COL26A1: variants seen among roughly 807,000 people sequenced by gnomAD.
COL26A1 encodes the protein collagen alpha-1(XXVI) chain.
Under a neutral mutation model 59.3 loss-of-function variants are expected in COL26A1, and 41 were observed. The observed-to-expected ratio is 0.69, with a 90% CI of 0.54 to 0.90. COL26A1 has a LOEUF of 0.90. Among genes scored for constraint, COL26A1 ranks in the 40% least tolerant of loss-of-function variants. The probability of loss-of-function intolerance (pLI) is 0.00; values close to 1 mark genes in which losing one functional copy is unlikely to be tolerated. For synonymous variants in COL26A1, 266 were observed against 256.0 expected, an observed-to-expected ratio of 1.04 and a Z score of -0.37; for missense variants, 612 against 602.3, an observed-to-expected ratio of 1.02 and a Z score of -0.17.
intron 3 of COL26A1, among the ~76,000 whole-genome samples, chr7:101,494,127 C>CGTTTTACTTTGTTTTGTTTTGTTTT (rs71106542): frequency 6.6e-6 from 1 of 151,396 alleles, no homozygotes; most frequent in South Asian, 2.1e-4. Context: ...ATTGCATTGT[C>CGTTTTACTTTGTTTTGTTTTGTTTT]GTTTTGTTTT....
chr7:101,486,170 C>T (rs1794263875), intron 3 of COL26A1, among the ~76,000 whole-genome samples: 1 of 144,776 alleles, frequency 6.9e-6, no homozygotes, highest in South Asian at 2.2e-4. Context: ...GAGACTGTCT[C>T]TAAAAAAAAA....
intron 1 of COL26A1, among the ~76,000 whole-genome samples, chr7:101,383,006 C>T (rs1032504470): frequency 6.6e-6 from 1 of 152,148 alleles, no homozygotes. Flanking sequence ...CACATCACTG[C>T]ACTCCAGCCT....
At chr7:101,522,689 A>C (rs1264081830) in intron 3 of COL26A1, among the ~76,000 whole-genome samples, 1 of 152,126 alleles carries the variant, frequency 6.6e-6, no homozygotes, top group Admixed American at 6.5e-5. Flanking sequence ...TTGTTGTGTC[A>C]TAGAGCGGGC....
chr7:101,478,964 T>G (rs1794104157), intron 3 of COL26A1, among the ~76,000 whole-genome samples: 1 of 152,262 alleles, frequency 6.6e-6, no homozygotes. Flanking sequence ...TTAACTGCTT[T>G]ATAGTATTTC....
chr7:101,552,701 G>T (rs1795885494), intron 10 of COL26A1, among the ~76,000 whole-genome samples: 1 of 152,202 alleles, frequency 6.6e-6, no homozygotes, highest in Non-Finnish European at 1.5e-5. Context: ...GAAGTCAGGA[G>T]TTCGAGATGA....
At chr7:101,397,513 CT>C (rs1791887704) in intron 1 of COL26A1, among the ~76,000 whole-genome samples, 1 of 146,300 alleles carries the variant, frequency 6.8e-6, no homozygotes, top group East Asian at 2.0e-4. Flanking sequence ...CTTCCCTTCC[CT>C]TCCCTTCCTT....
intron 3 of COL26A1, among the ~76,000 whole-genome samples, chr7:101,487,042 G>A (rs1270060631): frequency 6.6e-6 from 1 of 152,210 alleles, no homozygotes; most frequent in African/African-American, 2.4e-5. Context: ...GGCGTGGGAG[G>A]AGAGGCCAGG....
At chr7:101,394,585 C>CTTTTTTTTTTTTTTTTTTT (rs59966789) in intron 1 of COL26A1, among the ~76,000 whole-genome samples, 1 of 122,794 alleles carries the variant, frequency 8.1e-6, no homozygotes, top group African/African-American at 3.1e-5. Context: ...TTTTTCTTTT[C>CTTTTTTTTTTTTTTTTTTT]TTTTTTTTTT....
At position 101,547,200 on chromosome 7, in the gene COL26A1, G is replaced by T; in HGVS notation, c.901G>T (p.Ala301Ser). Residue 301 changes from alanine to serine, a missense_variant, in exon 8 of 13, where the codon GCA becomes TCA. Physicochemically the swap from Ala to Ser is moderately conservative, Grantham distance 99. Transcript: ENST00000313669. ...CTCTGCCATCGTGGACACAGTGCTG[G>T]CAGGTGTCCCAGGACCCCGGGGTCC... is the stretch of plus-strand genomic sequence containing the variant. ...LASAIVDTVLAGVPGPRGPPG... is the reference protein window; with the variant it reads ...LASAIVDTVLSGVPGPRGPPG... 6.3e-7 allele frequency: 1 copy of T among 1,597,214 alleles called. No individual in the cohort carries two copies. Among genetic ancestry groups the T allele is most frequent in the Non-Finnish European group, 8.5e-7 (1 of 1,173,648 alleles).
chr7:101,364,204 G>C (rs888856901), intron 1 of COL26A1, among the ~76,000 whole-genome samples: 2 of 150,814 alleles, frequency 1.3e-5, no homozygotes, highest in Non-Finnish European at 2.9e-5. Context: ...GCAAGTAAAA[G>C]TTGCCAAACG....
intron 1 of COL26A1, among the ~76,000 whole-genome samples, chr7:101,397,488 T>TTCCTTC (rs1191591333): frequency 2.0e-5 from 3 of 149,924 alleles, no homozygotes; most frequent in South Asian, 4.3e-4. Context: ...TCCTTCTCCT[T>TTCCTTC]TCCTTCTCCT....
chr7:101,554,038 G>A (rs923900979), intron 11 of COL26A1, among the ~76,000 whole-genome samples: 4 of 151,934 alleles, frequency 2.6e-5, no homozygotes, highest in South Asian at 2.1e-4. Flanking sequence ...CCCTCAGCTG[G>A]CCCTGAGCTA....
intron 4 of COL26A1, among the ~76,000 whole-genome samples, chr7:101,534,748 G>C (rs377716731): frequency 3.9e-5 from 6 of 152,058 alleles, no homozygotes; most frequent in African/African-American, 1.4e-4. Context: ...CCTGACTTCC[G>C]CCCTGGGGGT....
chr7:101,384,656 T>A (rs188023260), intron 1 of COL26A1, among the ~76,000 whole-genome samples: 2 of 152,162 alleles, frequency 1.3e-5, no homozygotes, highest in East Asian at 3.9e-4. Context: ...TGTGTGTGTA[T>A]GTGTGTTGGT....
intron 1 of COL26A1, among the ~76,000 whole-genome samples, chr7:101,391,626 C>T (rs1791730479): frequency 6.6e-6 from 1 of 152,200 alleles, no homozygotes; most frequent in Admixed American, 6.5e-5. Context: ...GTGGCACGAT[C>T]TCAGCTCACT....
chr7:101,444,841 TTTTG>T (rs140259796), intron 2 of COL26A1, among the ~76,000 whole-genome samples: 60,059 of 151,296 alleles, frequency 0.4, 14,599 homozygotes, highest in Admixed American at 0.55. Flanking sequence ...TTTTATTTTA[TTTTG>T]TTTGTTTATT....
intron 3 of COL26A1, among the ~76,000 whole-genome samples, chr7:101,520,970 C>G (rs1403859156): frequency 6.6e-6 from 1 of 152,096 alleles, no homozygotes; most frequent in Non-Finnish European, 1.5e-5. Context: ...CCTGTCTTCA[C>G]ACTGCTATAA....
At chr7:101,549,610 G>A (rs982761381) in intron 9 of COL26A1, among the ~76,000 whole-genome samples, 17 of 152,248 alleles carry the variant, frequency 1.1e-4, no homozygotes, top group East Asian at 1.9e-4. Flanking sequence ...TCGAACATCC[G>A]ACCTCAAGTA....
rs1794387520 is a variant in COL26A1, at chr7:101,489,809, T to TCC, written c.385+42023_385+42024insCC. Among the ~76,000 whole-genome samples the TCC allele has an allele frequency of 4.1e-3, 11 of 2,654 alleles. 1 individual carries two copies. The highest frequency in any genetic ancestry group is 7.1e-3 in the Non-Finnish European group (9 of 1,260). 1.7% of individuals were successfully genotyped at this position (2,654 alleles called of 152,430 possible). ...TTCTTTCTTTCTTTCTTTCTTTCTT[T>TCC]CTTTCTTTCTTTCTTTCTTTCTTTC... On this transcript the variant is annotated intron_variant, in intron 3 of 12. Transcript: ENST00000313669.
Sources: gnomAD v4.1 joint callset for allele counts (sites outside exome capture counted in the v4.1 genomes callset) on GRCh38, gnomAD v4.1.1 for gene constraint, MANE v1.5 for transcripts, NCBI Gene and HGNC (gene_info 2026-07-23, HGNC 2026-07-21) for gene names.